The following APBA2 variants were observed in gnomAD, a reference collection of about 807,000 sequenced individuals.
APBA2 encodes the protein amyloid-beta A4 precursor protein-binding family A member 2.
In APBA2, 30 loss-of-function variants were observed where a neutral mutation model predicts 75.0. The ratio of observed to expected loss-of-function variants is 0.40; its 90% CI spans 0.30 to 0.54. The LOEUF (loss-of-function observed/expected upper bound fraction) is 0.54, where lower values mean the gene tolerates loss of function less well. Among genes scored for constraint, APBA2 ranks in the 20% least tolerant of loss-of-function variants. The pLI, the probability that APBA2 is intolerant of heterozygous loss-of-function variation, is 0.49. For missense variants in APBA2, 801 were observed against 1,016.1 expected, an observed-to-expected ratio of 0.79 and a Z score of 2.88; for synonymous variants, 444 against 409.6, an observed-to-expected ratio of 1.08 and a Z score of -1.01.
chr15:28,949,420 C>G (rs114669656), intron 2 of APBA2, among the ~76,000 whole-genome samples: 81 of 152,310 alleles, frequency 5.3e-4, no homozygotes, highest in African/African-American at 1.9e-3. Flanking sequence ...AGTTCCTACG[C>G]ATCACGGAGG....
intron 14 of APBA2, 106 bp downstream of exon 14, chr15:29,114,122 A>C: frequency 1.3e-6 from 2 of 1,526,498 alleles, no homozygotes; most frequent in Non-Finnish European, 1.8e-6. Context: ...TCTGAAGGTC[A>C]GCCAGGCTGT....
chr15:29,111,364 C>T (rs2044720038), intron 13 of APBA2, among the ~76,000 whole-genome samples: 1 of 152,076 alleles, frequency 6.6e-6, no homozygotes, highest in Non-Finnish European at 1.5e-5. Context: ...GGCCTCAGTG[C>T]TCAGGATGCA....
chr15:29,060,222 A>C (rs1259743625), intron 4 of APBA2, among the ~76,000 whole-genome samples: 2 of 152,188 alleles, frequency 1.3e-5, no homozygotes, highest in African/African-American at 4.8e-5. Flanking sequence ...AGGTGGCAGC[A>C]GTGTTGGCGG....
At chr15:29,005,240 T>C (rs2039052318) in intron 3 of APBA2, among the ~76,000 whole-genome samples, 1 of 152,198 alleles carries the variant, frequency 6.6e-6, no homozygotes, top group Admixed American at 6.5e-5. Flanking sequence ...TTTCCTTATC[T>C]GGACAATGGG....
chr15:28,958,576 C>A (rs2036295999), intron 2 of APBA2, among the ~76,000 whole-genome samples: 1 of 152,208 alleles, frequency 6.6e-6, no homozygotes, highest in African/African-American at 2.4e-5. Context: ...CTGGTAATGG[C>A]TTCATTTTGT....
chr15:28,901,407 A>G (rs2032845638), intron 1 of APBA2, among the ~76,000 whole-genome samples: 1 of 151,182 alleles, frequency 6.6e-6, no homozygotes. Flanking sequence ...GGCTCTCTCT[A>G]TGGTCTCCTG....
chr15:28,897,373 T>C (rs147218779), intron 1 of APBA2, among the ~76,000 whole-genome samples: 4,882 of 152,138 alleles, frequency 0.032, 241 homozygotes, highest in African/African-American at 0.11. Flanking sequence ...CCCAGCACTT[T>C]GTGAAGCTGA....
At chr15:29,014,276 T>G (rs1207239314) in intron 3 of APBA2, among the ~76,000 whole-genome samples, 2 of 152,236 alleles carry the variant, frequency 1.3e-5, no homozygotes, top group Non-Finnish European at 2.9e-5. Flanking sequence ...CTTGCTAAAG[T>G]CCAGGTATAC....
At chr15:29,055,565 T>C (rs1475522596) in intron 4 of APBA2, among the ~76,000 whole-genome samples, 3 of 152,158 alleles carry the variant, frequency 2.0e-5, no homozygotes, top group Non-Finnish European at 2.9e-5. Flanking sequence ...TTATTGGACT[T>C]GTGTGAAGGA....
Position 29,063,638 on chromosome 15 carries a change from T to G in APBA2, c.951+8803T>G, listed in dbSNP as rs560219417. The stretch of plus-strand genomic sequence containing the variant: ...GCGGGGAGTTGATCTGGTCAGTGTC[T>G]GTATGGGTGGGGAGGGGAGTTGATC... On this transcript the variant is annotated intron_variant, in intron 4 of 14. Transcript: ENST00000683413. Among the ~76,000 whole-genome samples the G allele has an allele frequency of 2.0e-5, 3 of 149,808 alleles. No individual in the cohort carries two copies. In the South Asian group the frequency reaches 6.4e-4, roughly 32 times the overall value.
At chr15:29,035,581 A>G (rs1208985381) in intron 3 of APBA2, among the ~76,000 whole-genome samples, 1 of 152,136 alleles carries the variant, frequency 6.6e-6, no homozygotes, top group Non-Finnish European at 1.5e-5. Context: ...GAAGCTGCTA[A>G]TGTGTTTTTC....
At position 28,950,145 on chromosome 15, in the gene APBA2, G is replaced by T. The variant is rs1383382506; in HGVS notation, c.-95+28396G>T. 3.9e-5 allele frequency among the ~76,000 whole-genome samples: 6 copies of T among 152,226 alleles called. No homozygotes were observed. In the South Asian group the frequency reaches 6.2e-4, roughly 16 times the overall value. On this transcript the variant is annotated intron_variant, in intron 2 of 14. Transcript: ENST00000683413. ...GTACAGGTCTTTGTGAATATCCTTCGATTTGGGTTTATCTGCTGTTCTTCT... is the reference window on the plus strand; with the variant it reads ...GTACAGGTCTTTGTGAATATCCTTCTATTTGGGTTTATCTGCTGTTCTTCT...
intron 4 of APBA2, chr15:29,071,146 T>C: frequency 2.3e-6 from 1 of 433,240 alleles, no homozygotes; most frequent in South Asian, 1.7e-5. Flanking sequence ...GCAATGTGAT[T>C]ATATTGCTGT....
intron 2 of APBA2, among the ~76,000 whole-genome samples, chr15:28,994,997 A>G (rs1324284196): frequency 2.6e-5 from 4 of 152,184 alleles, no homozygotes; most frequent in Non-Finnish European, 4.4e-5. Context: ...TGTAGCCAAC[A>G]TGGAGGGAGA....
At chr15:29,048,465 A>C (rs1254404314) in intron 3 of APBA2, among the ~76,000 whole-genome samples, 1 of 152,242 alleles carries the variant, frequency 6.6e-6, no homozygotes, top group Non-Finnish European at 1.5e-5. Flanking sequence ...GGGAGAATAA[A>C]TGTGAAAATA....
chr15:28,995,638 C>T (rs777247429), intron 2 of APBA2, 115 bp from the exon 3 acceptor site: 2 of 152,150 alleles, frequency 1.3e-5, no homozygotes, highest in African/African-American at 2.4e-5. Flanking sequence ...TCCACTTTTA[C>T]AGGTGATTCA....
intron 3 of APBA2, among the ~76,000 whole-genome samples, chr15:28,996,011 G>A (rs2038497303): frequency 6.6e-6 from 1 of 152,008 alleles, no homozygotes; most frequent in African/African-American, 2.4e-5. Context: ...ATGGACACTG[G>A]GGACGCTTCT....
chr15:29,031,422 T>C (rs913825158), intron 3 of APBA2, among the ~76,000 whole-genome samples: 13 of 152,174 alleles, frequency 8.5e-5, no homozygotes, highest in Non-Finnish European at 1.8e-4. Flanking sequence ...GCATGTGTTC[T>C]TCCTTCTGTG....
At position 29,098,727 on chromosome 15, in the gene APBA2, G is replaced by A; in HGVS notation, c.1338+151G>A. 4 of 734,456 alleles carry A rather than the reference G, an allele frequency of 5.4e-6. No individual in the cohort carries two copies. The South Asian group carries it at 6.0e-5, about 11-fold the overall frequency. 45.5% of individuals were successfully genotyped at this position (734,456 alleles called of 1,614,324 possible). A position where few individuals can be genotyped will look rare whatever the true frequency, so the allele number is the denominator to read the frequency against. Reference sequence around the variant, plus strand: ...GCCCATAGCCCGGGCTGCGGGAGGAGCAAGGAGCGCACAGCAGGTAGCAGT... The same window carrying A: ...GCCCATAGCCCGGGCTGCGGGAGGAACAAGGAGCGCACAGCAGGTAGCAGT... On this transcript the variant is annotated intron_variant, in intron 9 of 14. Coordinates refer to ENST00000683413, the MANE Select transcript of APBA2 (RefSeq NM_001353788.2).
Sources: allele counts gnomAD v4.1 joint callset (sites outside exome capture counted in the v4.1 genomes callset), GRCh38; gene constraint gnomAD v4.1.1; transcripts MANE v1.5; gene names NCBI Gene and HGNC (gene_info 2026-07-23, HGNC 2026-07-21).